ITFG1: variants seen among roughly 807,000 people sequenced by gnomAD.
ITFG1 encodes the protein T-cell immunomodulatory protein.
Under a neutral mutation model 81.8 loss-of-function variants are expected in ITFG1, and 34 were observed. The ratio of observed to expected loss-of-function variants is 0.42; its 90% CI spans 0.32 to 0.55. The LOEUF (loss-of-function observed/expected upper bound fraction) is 0.55, where lower values mean the gene tolerates loss of function less well. Among genes scored for constraint, ITFG1 ranks in the 20% least tolerant of loss-of-function variants. ITFG1 has a pLI of 0.17. For missense variants in ITFG1, 672 were observed against 755.4 expected, an observed-to-expected ratio of 0.89 and a Z score of 1.29; for synonymous variants, 285 against 270.6, an observed-to-expected ratio of 1.05 and a Z score of -0.52.
rs11865249 is a variant in ITFG1, at chr16:47,316,384, A to C, written c.803-2561T>G. On this transcript the variant is annotated intron_variant, in intron 8 of 17. Transcript: ENST00000320640. Reference sequence around the variant, plus strand: ...TTGTGTTCTTTCCCTCTTTGAAACAAATTTTTTTCGGAACCATGTATATAA... The same window carrying C: ...TTGTGTTCTTTCCCTCTTTGAAACACATTTTTTTCGGAACCATGTATATAA... Among the ~76,000 whole-genome samples, 1,152 of 152,234 alleles carry C rather than the reference A, an allele frequency of 7.6e-3. 19 individuals carry two copies. The highest frequency in any genetic ancestry group is 0.026 in the African/African-American group (1,092 of 41,544).
chr16:47,245,071 G>C (rs1965985034), intron 12 of ITFG1, among the ~76,000 whole-genome samples: 1 of 152,166 alleles, frequency 6.6e-6, no homozygotes, highest in African/African-American at 2.4e-5. Context: ...TTTAGGCCGG[G>C]TGCGGTGGCT....
At chr16:47,325,942 CA>C (rs1413785867) in intron 8 of ITFG1, among the ~76,000 whole-genome samples, 3 of 151,998 alleles carry the variant, frequency 2.0e-5, no homozygotes, top group Non-Finnish European at 4.4e-5. Context: ...CCAATCAACA[CA>C]AAAAGAGGGA....
chr16:47,266,535 A>T (rs763843490), intron 10 of ITFG1, among the ~76,000 whole-genome samples: 12 of 152,206 alleles, frequency 7.9e-5, no homozygotes, highest in Non-Finnish European at 1.0e-4. Context: ...TATAATTTTT[A>T]GAAAAAGATA....
At chr16:47,246,470 T>C (rs1226239305) in intron 12 of ITFG1, among the ~76,000 whole-genome samples, 2 of 152,238 alleles carry the variant, frequency 1.3e-5, no homozygotes, top group African/African-American at 4.8e-5. Context: ...ATACTAACCC[T>C]TGATTAATTA....
chr16:47,223,885 A>T (rs887166049), intron 13 of ITFG1, among the ~76,000 whole-genome samples: 1 of 152,214 alleles, frequency 6.6e-6, no homozygotes, highest in South Asian at 2.1e-4. Context: ...CTATGCAGTC[A>T]TAAAAAATGA....
At chr16:47,351,573 A>T (rs1337671741) in intron 8 of ITFG1, among the ~76,000 whole-genome samples, 1 of 152,212 alleles carries the variant, frequency 6.6e-6, no homozygotes, top group African/African-American at 2.4e-5. Context: ...GACACAAACA[A>T]ATGGAAGAAC....
chr16:47,162,758 C>CTGGA, intron 14 of ITFG1, 94 bp from the exon 15 acceptor site: 1 of 1,059,380 alleles, frequency 9.4e-7, no homozygotes, highest in Non-Finnish European at 1.4e-6. Context: ...AATTTAGGTA[C>CTGGA]TGGAATGTAT....
intron 10 of ITFG1, among the ~76,000 whole-genome samples, chr16:47,275,775 C>G (rs1260861048): frequency 6.6e-6 from 1 of 151,998 alleles, no homozygotes; most frequent in Non-Finnish European, 1.5e-5. Flanking sequence ...GACTTTAAAA[C>G]CTAATTTGTG....
chr16:47,447,922 AT>A (rs1969343171), intron 5 of ITFG1, among the ~76,000 whole-genome samples: 2 of 152,212 alleles, frequency 1.3e-5, no homozygotes, highest in Admixed American at 1.3e-4. Context: ...TTAGAAAAAA[AT>A]ACCTGATCTC....
chr16:47,231,082 T>C (rs958628896), intron 13 of ITFG1, among the ~76,000 whole-genome samples: 4 of 152,200 alleles, frequency 2.6e-5, no homozygotes, highest in African/African-American at 9.6e-5. Context: ...GCCCCTCTGT[T>C]AGGTTCCAGG....
intron 8 of ITFG1, among the ~76,000 whole-genome samples, chr16:47,328,972 C>T (rs898182445): frequency 3.3e-5 from 5 of 152,204 alleles, no homozygotes; most frequent in South Asian, 2.1e-4. Context: ...TCAGTACGAT[C>T]CTGCATTCAA....
At chr16:47,459,635 T>C (rs1969498565) in intron 1 of ITFG1, among the ~76,000 whole-genome samples, 2 of 152,180 alleles carry the variant, frequency 1.3e-5, no homozygotes, top group African/African-American at 4.8e-5. Context: ...TAATTAAGCA[T>C]GTGAGCACAA....
chr16:47,225,352 T>C (rs1965745101), intron 13 of ITFG1, among the ~76,000 whole-genome samples: 1 of 151,044 alleles, frequency 6.6e-6, no homozygotes, highest in Non-Finnish European at 1.5e-5. Flanking sequence ...AGGAAAGAGG[T>C]AGAAATATGT....
In ITFG1 at chr16:47,445,464, C is replaced by A. The variant is rs547714759; in HGVS notation, c.560+5932G>T. 2.0e-5 allele frequency among the ~76,000 whole-genome samples: 3 copies of A among 152,070 alleles called. No individual in the cohort carries two copies. In the East Asian group the frequency reaches 5.8e-4, roughly 29 times the overall value. ...GCCTGAGATTCTAGAAGTTGACATGCTTAAAATGATCTGTATTTCCATATT... is the reference window on the plus strand; with the variant it reads ...GCCTGAGATTCTAGAAGTTGACATGATTAAAATGATCTGTATTTCCATATT... On this transcript the variant is annotated intron_variant, in intron 5 of 17. Coordinates refer to ENST00000320640, the MANE Select transcript of ITFG1 (RefSeq NM_030790.5).
chr16:47,218,789 A>T (rs1382073218), intron 14 of ITFG1, 79 bp downstream of exon 14: 1 of 765,640 alleles, frequency 1.3e-6, no homozygotes, highest in Non-Finnish European at 2.0e-6. Flanking sequence ...TGAAAACATA[A>T]TTTTTTCCAC....
rs57114470 is a variant in ITFG1 at position 47,214,921 on chromosome 16, AACACACACAC to A, written c.1453+3937_1453+3946del. On this transcript the variant is annotated intron_variant, in intron 14 of 17. Coordinates refer to ENST00000320640, the MANE Select transcript of ITFG1 (RefSeq NM_030790.5). ...ATCCTATGTTATTACCCAGTGTGAA[AACACACACAC>A]ACACACACACACACACACACACACA... Among the ~76,000 whole-genome samples the A allele has an allele frequency of 1.0e-3, 147 of 145,140 alleles. 1 individual carries two copies. Among genetic ancestry groups the A allele is most frequent in the African/African-American group, 2.7e-3 (108 of 39,806 alleles).
At chr16:47,187,280 A>C (rs1318531790) in intron 14 of ITFG1, among the ~76,000 whole-genome samples, 8 of 152,138 alleles carry the variant, frequency 5.3e-5, no homozygotes, top group East Asian at 1.9e-4. Flanking sequence ...TCATATGGAA[A>C]CAAAAAAGAG....
chr16:47,191,105 C>A (rs1965286955), intron 14 of ITFG1, among the ~76,000 whole-genome samples: 1 of 152,130 alleles, frequency 6.6e-6, no homozygotes. Context: ...ACTGGGGAGG[C>A]ATGAATTATT....
intron 4 of ITFG1, 89 bp from the exon 5 acceptor site, chr16:47,451,559 G>T: frequency 1.4e-6 from 1 of 698,536 alleles, no homozygotes; most frequent in Non-Finnish European, 2.5e-6. Flanking sequence ...TTTGGGAAGT[G>T]TGGTAGACAT....
Sources: gnomAD v4.1 joint callset for allele counts (sites outside exome capture counted in the v4.1 genomes callset) on GRCh38, gnomAD v4.1.1 for gene constraint, MANE v1.5 for transcripts, NCBI Gene and HGNC (gene_info 2026-07-23, HGNC 2026-07-21) for gene names.